Variants in ELMO1 observed in about 807,000 individuals in gnomAD.
ELMO1 encodes engulfment and cell motility 1, also known as engulfment and cell motility protein 1.
A neutral mutation model predicts 98.9 loss-of-function variants in ELMO1; 26 were observed. The ratio of observed to expected loss-of-function variants is 0.26; its 90% CI spans 0.19 to 0.36. The LOEUF (loss-of-function observed/expected upper bound fraction) is 0.36. Among genes scored for constraint, ELMO1 ranks in the 10% least tolerant of loss-of-function variants. The pLI, the probability that ELMO1 is intolerant of heterozygous loss-of-function variation, is 1.00. For synonymous variants in ELMO1, 346 were observed against 346.0 expected (o/e 1.00, Z 0.00); for missense variants, 627 against 935.2 (o/e 0.67, Z 4.30).
intron 1 of ELMO1, among the ~76,000 whole-genome samples, chr7:37,405,648 G>A (rs927678787): frequency 3.9e-5 from 6 of 152,194 alleles, no homozygotes; most frequent in African/African-American, 9.7e-5. Context: ...GACTCAAGGC[G>A]TCGGGCTTGT....
At chr7:37,134,139 A>C (rs1473891428) in intron 13 of ELMO1, among the ~76,000 whole-genome samples, 2 of 152,192 alleles carry the variant, frequency 1.3e-5, no homozygotes, top group Non-Finnish European at 2.9e-5. Flanking sequence ...AAAAGGGAAA[A>C]AAGAAAATGC....
chr7:36,972,602 T>C (rs1790063906), intron 16 of ELMO1, among the ~76,000 whole-genome samples: 1 of 152,162 alleles, frequency 6.6e-6, no homozygotes, highest in African/African-American at 2.4e-5. Flanking sequence ...ATCTTCCTTC[T>C]ATGCATGTCT....
chr7:37,057,256 G>A (rs367618406), intron 15 of ELMO1, among the ~76,000 whole-genome samples: 50 of 151,984 alleles, frequency 3.3e-4, no homozygotes, highest in Admixed American at 1.5e-3. Context: ...ATGATATTGT[G>A]GTACACAGTT....
chr7:37,422,428 G>A (rs1163087945), intron 1 of ELMO1, among the ~76,000 whole-genome samples: 1 of 152,156 alleles, frequency 6.6e-6, no homozygotes, highest in Non-Finnish European at 1.5e-5. Flanking sequence ...CTTCGCTTTG[G>A]CCTAAGGGAC....
chr7:37,291,641 G>A (rs552123501), intron 4 of ELMO1, among the ~76,000 whole-genome samples: 5 of 152,322 alleles, frequency 3.3e-5, no homozygotes, highest in South Asian at 2.1e-4. Flanking sequence ...TAGGCCAGGC[G>A]TGGTGGCCCA....
intron 13 of ELMO1, among the ~76,000 whole-genome samples, chr7:37,187,846 T>TA (rs899110887): frequency 3.9e-5 from 6 of 152,130 alleles, no homozygotes; most frequent in Admixed American, 6.5e-5. Context: ...GCACAGTTTT[T>TA]AAAAAAATAA....
At chr7:36,945,867 C>T (rs1249253317) in intron 16 of ELMO1, among the ~76,000 whole-genome samples, 1 of 152,218 alleles carries the variant, frequency 6.6e-6, no homozygotes, top group African/African-American at 2.4e-5. Flanking sequence ...AAGGGGCGAA[C>T]ACATCCCCAG....
At chr7:36,914,563 G>A (rs1784559718) in intron 16 of ELMO1, among the ~76,000 whole-genome samples, 1 of 150,940 alleles carries the variant, frequency 6.6e-6, no homozygotes, top group South Asian at 2.1e-4. Flanking sequence ...CGCCAGGCTG[G>A]ACTGCAGTGG....
At chr7:36,970,439 G>A (rs2129132127) in intron 16 of ELMO1, among the ~76,000 whole-genome samples, 1 of 152,328 alleles carries the variant, frequency 6.6e-6, no homozygotes, top group African/African-American at 2.4e-5. Context: ...AAATGTGGTA[G>A]CCACAAAACA....
intron 1 of ELMO1, among the ~76,000 whole-genome samples, chr7:37,389,866 A>G (rs1802992162): frequency 6.6e-6 from 1 of 152,040 alleles, no homozygotes; most frequent in African/African-American, 2.4e-5. Context: ...CTCATTAGGG[A>G]GAGCTGCTCT....
chr7:37,062,874 G>A (rs897300786), intron 15 of ELMO1, among the ~76,000 whole-genome samples: 1 of 152,162 alleles, frequency 6.6e-6, no homozygotes, highest in African/African-American at 2.4e-5. Context: ...AGTTGCATGA[G>A]CAGCTCACTG....
At chr7:37,007,205 C>T (rs760301102) in intron 16 of ELMO1, among the ~76,000 whole-genome samples, 48 of 152,284 alleles carry the variant, frequency 3.2e-4, no homozygotes, top group Non-Finnish European at 5.9e-4. Context: ...GCTTGTTAAT[C>T]GCCTAGACAG....
Position 37,361,113 on chromosome 7 carries a change from G to C in ELMO1, c.-73-18350C>G, listed in dbSNP as rs1259060927. Among the ~76,000 whole-genome samples the C allele has an allele frequency of 2.0e-5, 3 of 152,218 alleles. No homozygotes were observed. The East Asian group carries it at 5.8e-4, about 29-fold the overall frequency. ...TTTGGTACATTTTTAAAAATATTAA[G>C]TACATATTTATCATATGACACAGCA... On this transcript the variant is annotated intron_variant, in intron 1 of 21. Transcript: ENST00000310758.
intron 16 of ELMO1, among the ~76,000 whole-genome samples, chr7:36,940,965 A>G (rs746219909): frequency 2.0e-4 from 31 of 152,376 alleles, no homozygotes; most frequent in Non-Finnish European, 4.4e-4. Context: ...GAAGGAAAAG[A>G]TAACTTATAG....
At chr7:37,415,183 G>A (rs1804160827) in intron 1 of ELMO1, among the ~76,000 whole-genome samples, 1 of 152,178 alleles carries the variant, frequency 6.6e-6, no homozygotes, top group Non-Finnish European at 1.5e-5. Context: ...CTGGAGCCTT[G>A]TTGGAATATC....
intron 16 of ELMO1, among the ~76,000 whole-genome samples, chr7:36,979,108 G>A (rs1283209929): frequency 6.6e-6 from 1 of 152,098 alleles, no homozygotes; most frequent in Non-Finnish European, 1.5e-5. Context: ...CTCTCTGGGT[G>A]GCCTTTAATG....
intron 13 of ELMO1, among the ~76,000 whole-genome samples, chr7:37,187,027 T>G (rs1791247780): frequency 6.6e-6 from 1 of 152,192 alleles, no homozygotes; most frequent in South Asian, 2.1e-4. Context: ...GCAGCTTTAG[T>G]CATCATAACT....
intron 16 of ELMO1, among the ~76,000 whole-genome samples, chr7:37,009,904 C>T (rs1391027090): frequency 1.3e-5 from 2 of 152,238 alleles, no homozygotes; most frequent in African/African-American, 4.8e-5. Context: ...ATCTCCTCTG[C>T]TACCAAGTTA....
intron 16 of ELMO1, among the ~76,000 whole-genome samples, chr7:36,961,199 C>A (rs898248281): frequency 6.6e-6 from 1 of 152,170 alleles, no homozygotes; most frequent in Non-Finnish European, 1.5e-5. Flanking sequence ...ATTTCTCCTT[C>A]CCATATACCT....
Sources: allele counts gnomAD v4.1 joint callset (sites outside exome capture counted in the v4.1 genomes callset), GRCh38; gene constraint gnomAD v4.1.1; transcripts MANE v1.5; gene names NCBI Gene and HGNC (gene_info 2026-07-23, HGNC 2026-07-21).